Variants in TRMT9B observed in about 807,000 individuals in gnomAD.
TRMT9B encodes the protein tRNA methyltransferase 9B (putative), also known as probable tRNA methyltransferase 9B.
In TRMT9B, 16 loss-of-function variants were observed where a neutral mutation model predicts 11.5. The observed-to-expected ratio is 1.39, with a 90% CI of 0.94 to 2.11. The LOEUF is 2.11. TRMT9B is among the 30% of genes most tolerant of loss of function. The probability of loss-of-function intolerance (pLI) is 0.00; values close to 1 mark genes in which losing one functional copy is unlikely to be tolerated. For synonymous variants in TRMT9B, 274 were observed against 192.4 expected (o/e 1.42, Z -3.51); for missense variants, 941 against 553.8 (o/e 1.70, Z -7.02).
At chr8:12,986,271 C>T (rs557003479) in intron 1 of TRMT9B, among the ~76,000 whole-genome samples, 2 of 152,290 alleles carry the variant, frequency 1.3e-5, no homozygotes, top group Admixed American at 6.5e-5. Context: ...CACCTCCTGT[C>T]GCATTTCCTC....
intron 1 of TRMT9B, among the ~76,000 whole-genome samples, chr8:12,981,337 G>A (rs1048202258): frequency 6.6e-6 from 1 of 152,182 alleles, no homozygotes; most frequent in East Asian, 1.9e-4. Context: ...CAGAGCACAG[G>A]GTGTGAATTG....
chr8:13,009,188 G>A (rs1219229884), intron 3 of TRMT9B, among the ~76,000 whole-genome samples: 3 of 152,080 alleles, frequency 2.0e-5, no homozygotes, highest in African/African-American at 7.2e-5. Flanking sequence ...CTTATACATG[G>A]GATCTAAAAC....
At chr8:12,988,597 C>T (rs1346959934) in intron 1 of TRMT9B, among the ~76,000 whole-genome samples, 1 of 152,052 alleles carries the variant, frequency 6.6e-6, no homozygotes, top group African/African-American at 2.4e-5. Context: ...GGAGAAGTGC[C>T]AAGCAAAAGG....
At chr8:13,009,679 T>G (rs1232648249) in intron 3 of TRMT9B, among the ~76,000 whole-genome samples, 1 of 152,254 alleles carries the variant, frequency 6.6e-6, no homozygotes, top group African/African-American at 2.4e-5. Flanking sequence ...ATTATACACC[T>G]AGGTTTTGTT....
chr8:12,975,662 C>T (rs570669627), intron 1 of TRMT9B, among the ~76,000 whole-genome samples: 2 of 152,042 alleles, frequency 1.3e-5, no homozygotes, highest in Non-Finnish European at 2.9e-5. Flanking sequence ...CCTTTGAACC[C>T]GTGAGGTGGA....
rs551577635 is a variant in TRMT9B at position 13,012,875 on chromosome 8, C to G, written c.328+18C>G. On this transcript the variant is annotated intron_variant, in intron 4 of 4. Coordinates refer to ENST00000524591, the MANE Select transcript of TRMT9B (RefSeq NM_020844.3). ...CATAGGAGGTAAGGCAGCCAGATCA[C>G]ACATTCACCCTTTGCCATGAGAATA... 4 of 1,611,254 alleles carry G rather than the reference C, an allele frequency of 2.5e-6. No individual in the cohort carries two copies. The African/African-American group carries it at 4.0e-5, about 16-fold the overall frequency.
At chr8:13,016,410 T>C (rs1355867007) in intron 4 of TRMT9B, among the ~76,000 whole-genome samples, 1 of 148,060 alleles carries the variant, frequency 6.8e-6, no homozygotes, top group Admixed American at 6.8e-5. Context: ...ATAATATATA[T>C]AAAAGGAAGT....
At chr8:13,009,062 A>C (rs1186095194) in intron 3 of TRMT9B, among the ~76,000 whole-genome samples, 1 of 114,344 alleles carries the variant, frequency 8.7e-6, no homozygotes, top group Non-Finnish European at 1.7e-5. Flanking sequence ...ATTCTTCAAC[A>C]TCACTGTAAA....
intron 1 of TRMT9B, among the ~76,000 whole-genome samples, chr8:12,988,308 G>A (rs1806688903): frequency 6.6e-6 from 1 of 152,116 alleles, no homozygotes; most frequent in East Asian, 1.9e-4. Flanking sequence ...CACCAGATAA[G>A]GGGTATTGAC....
intron 1 of TRMT9B, among the ~76,000 whole-genome samples, chr8:12,979,643 A>G (rs1157865180): frequency 6.6e-6 from 1 of 152,092 alleles, no homozygotes; most frequent in African/African-American, 2.4e-5. Flanking sequence ...TCCTGCAACT[A>G]CAGGTGATTA....
In TRMT9B at chr8:12,959,096, A is replaced by G. The variant is rs563444132; in HGVS notation, c.-200+13130A>G. ...ACCCTAGAACTTAAAGTATAATAATAATAATAAAAAGAATTCTTCACGTGA... is the reference window on the plus strand; with the variant it reads ...ACCCTAGAACTTAAAGTATAATAATGATAATAAAAAGAATTCTTCACGTGA... On this transcript the variant is annotated intron_variant, in intron 1 of 4. Transcript: ENST00000524591. Among the ~76,000 whole-genome samples, 4 of 152,292 alleles carry G rather than the reference A, an allele frequency of 2.6e-5. No homozygotes were observed. The South Asian group carries it at 8.3e-4, about 32-fold the overall frequency.
chr8:12,966,276 G>A (rs937125162), intron 1 of TRMT9B, among the ~76,000 whole-genome samples: 2 of 152,158 alleles, frequency 1.3e-5, no homozygotes, highest in African/African-American at 4.8e-5. Flanking sequence ...TTGTCTCTGT[G>A]CTCAGGGTGT....
chr8:12,951,320 C>G (rs956983210), intron 1 of TRMT9B: 5 of 152,362 alleles, frequency 3.3e-5, no homozygotes, highest in Non-Finnish European at 7.3e-5. Flanking sequence ...CGCTGAAGTC[C>G]GGGGCTGTAA....
intron 1 of TRMT9B, among the ~76,000 whole-genome samples, chr8:12,961,051 G>A (rs1429412274): frequency 6.6e-6 from 1 of 152,170 alleles, no homozygotes; most frequent in African/African-American, 2.4e-5. Context: ...TGAGGCAGGA[G>A]AATCGCTTGA....
intron 1 of TRMT9B, among the ~76,000 whole-genome samples, chr8:12,984,054 G>T (rs1328007800): frequency 6.6e-6 from 1 of 152,184 alleles, no homozygotes; most frequent in African/African-American, 2.4e-5. Context: ...ACCGCAGATT[G>T]TCCACATGGG....
intron 3 of TRMT9B, among the ~76,000 whole-genome samples, chr8:13,010,061 C>G (rs1334663156): frequency 6.6e-6 from 1 of 151,304 alleles, no homozygotes; most frequent in Non-Finnish European, 1.5e-5. Flanking sequence ...CAGATTGAGT[C>G]TGGGAGGCAG....
intron 2 of TRMT9B, among the ~76,000 whole-genome samples, chr8:13,000,273 T>C (rs1320422726): frequency 6.6e-6 from 1 of 152,220 alleles, no homozygotes. Context: ...TAGAAAAATG[T>C]TAGCCTAATC....
intron 3 of TRMT9B, among the ~76,000 whole-genome samples, chr8:13,009,356 A>T (rs1216844605): frequency 6.6e-6 from 1 of 152,212 alleles, no homozygotes; most frequent in Non-Finnish European, 1.5e-5. Flanking sequence ...AGGGAAAACT[A>T]TCAACAAGTC....
intron 1 of TRMT9B, among the ~76,000 whole-genome samples, chr8:12,961,353 A>AT (rs933040849): frequency 7.9e-5 from 12 of 151,808 alleles, no homozygotes; most frequent in Admixed American, 1.3e-4. Flanking sequence ...AAAAAATCAT[A>AT]TTTTTTTTAA....
Sources: gnomAD v4.1 joint callset for allele counts (sites outside exome capture counted in the v4.1 genomes callset) on GRCh38, gnomAD v4.1.1 for gene constraint, MANE v1.5 for transcripts, NCBI Gene and HGNC (gene_info 2026-07-23, HGNC 2026-07-21) for gene names.